The following CDIN1 variants were observed in gnomAD, a reference collection of about 807,000 sequenced individuals.
CDIN1 encodes CDAN1 interacting nuclease 1, also known as CDAN1-interacting nuclease 1.
A neutral mutation model predicts 45.3 loss-of-function variants in CDIN1; 33 were observed. The observed-to-expected ratio is 0.73, with a 90% CI of 0.55 to 0.97. The LOEUF (loss-of-function observed/expected upper bound fraction) is 0.97. Ranked by LOEUF, CDIN1 falls within the 50% of genes least tolerant of loss-of-function variation. CDIN1 has a pLI of 0.00. For missense variants in CDIN1, 303 were observed against 339.4 expected, an observed-to-expected ratio of 0.89 and a Z score of 0.84; for synonymous variants, 118 against 124.4, an observed-to-expected ratio of 0.95 and a Z score of 0.34.
intron 1 of CDIN1, among the ~76,000 whole-genome samples, chr15:36,587,882 C>T (rs894664837): frequency 1.3e-5 from 2 of 152,150 alleles, no homozygotes; most frequent in African/African-American, 4.8e-5. Context: ...CTTTCTCGCT[C>T]TGTTGTCTCT....
chr15:36,734,434 C>A, intron 10 of CDIN1: 1 of 396,666 alleles, frequency 2.5e-6, no homozygotes, highest in Non-Finnish European at 4.9e-6. Context: ...TTATTTTCCA[C>A]TGAGTTCAGT....
At chr15:36,623,917 A>G (rs537689750) in intron 1 of CDIN1, among the ~76,000 whole-genome samples, 1 of 152,320 alleles carries the variant, frequency 6.6e-6, no homozygotes, top group Non-Finnish European at 1.5e-5. Flanking sequence ...GACTGTGTCA[A>G]TTTGGAGAAG....
intron 1 of CDIN1, chr15:36,618,455 T>C: frequency 2.2e-6 from 2 of 921,404 alleles, no homozygotes; most frequent in Non-Finnish European, 3.6e-6. Context: ...GACGACAAGA[T>C]GTCAATCTCA....
At chr15:36,648,055 G>A (rs1159596589) in intron 3 of CDIN1, among the ~76,000 whole-genome samples, 1 of 152,014 alleles carries the variant, frequency 6.6e-6, no homozygotes, top group Non-Finnish European at 1.5e-5. Context: ...TAGCCAGGAT[G>A]GTCTCGATCT....
In CDIN1 at chr15:36,772,101, G is replaced by A. The variant is rs1449267254; in HGVS notation, c.717-36223G>A. Among the ~76,000 whole-genome samples, 3 of 152,128 alleles carry A rather than the reference G, an allele frequency of 2.0e-5. No homozygotes were observed. In the East Asian group the frequency reaches 5.8e-4, roughly 29 times the overall value. On this transcript the variant is annotated intron_variant, in intron 10 of 10. Transcript: ENST00000566621. ...TGGTTCTTCTTTTCTTAGATATTAT[G>A]TTAACAGTTACCCTATTGCCAACAC...
At chr15:36,695,901 G>C (rs1441289847) in intron 7 of CDIN1, among the ~76,000 whole-genome samples, 2 of 151,378 alleles carry the variant, frequency 1.3e-5, no homozygotes, top group Non-Finnish European at 2.9e-5. Flanking sequence ...GCTATTATAA[G>C]ATGGTATCTC....
At chr15:36,650,209 A>G (rs1038254341) in intron 3 of CDIN1, among the ~76,000 whole-genome samples, 1 of 152,218 alleles carries the variant, frequency 6.6e-6, no homozygotes, top group African/African-American at 2.4e-5. Flanking sequence ...ATGTGCACTT[A>G]TGCTCATGTG....
chr15:36,593,057 T>A (rs1395122018), intron 1 of CDIN1, among the ~76,000 whole-genome samples: 1 of 152,178 alleles, frequency 6.6e-6, no homozygotes, highest in Admixed American at 6.5e-5. Context: ...AAAATGGAAT[T>A]GTTATGAACT....
intron 10 of CDIN1, among the ~76,000 whole-genome samples, chr15:36,738,333 C>G (rs1455098385): frequency 6.6e-6 from 1 of 152,134 alleles, no homozygotes; most frequent in Non-Finnish European, 1.5e-5. Context: ...AAATGTTTTT[C>G]CCATCTCAGT....
intron 10 of CDIN1, among the ~76,000 whole-genome samples, chr15:36,783,254 G>T (rs2054398029): frequency 6.6e-6 from 1 of 152,108 alleles, no homozygotes; most frequent in Non-Finnish European, 1.5e-5. Flanking sequence ...TGCTTACAAA[G>T]ATGATTAAGG....
intron 10 of CDIN1, among the ~76,000 whole-genome samples, chr15:36,774,139 T>A (rs1027200189): frequency 1.4e-5 from 1 of 72,254 alleles, no homozygotes; most frequent in South Asian, 6.2e-4. Context: ...CAGGGGTGTG[T>A]GTGTGTGTGT....
intron 10 of CDIN1, among the ~76,000 whole-genome samples, chr15:36,716,788 A>T (rs927311186): frequency 1.3e-5 from 2 of 152,310 alleles, no homozygotes; most frequent in Non-Finnish European, 2.9e-5. Flanking sequence ...CAGAGTCTTC[A>T]TGAAATAGTT....
At chr15:36,720,444 C>T (rs1383127445) in intron 10 of CDIN1, among the ~76,000 whole-genome samples, 1 of 137,998 alleles carries the variant, frequency 7.2e-6, no homozygotes, top group Non-Finnish European at 1.5e-5. Flanking sequence ...GACCCTATGA[C>T]AGGCCCCAGA....
chr15:36,590,928 A>T (rs2037540542), intron 1 of CDIN1, among the ~76,000 whole-genome samples: 1 of 152,240 alleles, frequency 6.6e-6, no homozygotes, highest in African/African-American at 2.4e-5. Flanking sequence ...TCAGCCTAGT[A>T]TGAATGATCC....
intron 1 of CDIN1, among the ~76,000 whole-genome samples, chr15:36,580,395 G>A (rs1595697276): frequency 6.6e-6 from 1 of 152,108 alleles, no homozygotes; most frequent in South Asian, 2.1e-4. Context: ...GAGGTAAAGC[G>A]GCTTCATACT....
intron 10 of CDIN1, among the ~76,000 whole-genome samples, chr15:36,770,773 TTA>T (rs2054056019): frequency 6.6e-6 from 1 of 152,188 alleles, no homozygotes; most frequent in Non-Finnish European, 1.5e-5. Context: ...CTGGATGATT[TTA>T]TGTGTTTGGC....
chr15:36,610,800 A>T (rs1416512150), intron 1 of CDIN1, among the ~76,000 whole-genome samples: 1 of 152,204 alleles, frequency 6.6e-6, no homozygotes, highest in Admixed American at 6.5e-5. Flanking sequence ...GCAATATTTA[A>T]TATTGGCAAT....
At chr15:36,685,175 G>T (rs1445396771) in intron 5 of CDIN1, among the ~76,000 whole-genome samples, 8 of 149,388 alleles carry the variant, frequency 5.4e-5, no homozygotes, top group Non-Finnish European at 1.2e-4. Flanking sequence ...TGATGTTAGG[G>T]TGTCAATTTT....
chr15:36,690,381 G>A (rs2140700242), intron 5 of CDIN1, among the ~76,000 whole-genome samples: 1 of 151,484 alleles, frequency 6.6e-6, no homozygotes, highest in Middle Eastern at 3.4e-3. Context: ...CCATTCTCCT[G>A]CCTCAGCCTC....
Sources: allele counts gnomAD v4.1 joint callset (sites outside exome capture counted in the v4.1 genomes callset), GRCh38; gene constraint gnomAD v4.1.1; transcripts MANE v1.5; gene names NCBI Gene and HGNC (gene_info 2026-07-23, HGNC 2026-07-21).